ABAT: variants seen among roughly 807,000 people sequenced by gnomAD.
ABAT encodes the protein 4-aminobutyrate aminotransferase.
In ABAT, 45 loss-of-function variants were observed where a neutral mutation model predicts 64.6. The observed-to-expected ratio is 0.70, with a 90% CI of 0.55 to 0.89. The LOEUF is 0.89. Ranked by LOEUF, ABAT falls within the 40% of genes least tolerant of loss-of-function variation. The probability of loss-of-function intolerance (pLI) is 0.00; values close to 1 mark genes in which losing one functional copy is unlikely to be tolerated. For synonymous variants in ABAT, 297 were observed against 250.5 expected (o/e 1.19, Z -1.75); for missense variants, 633 against 658.4 (o/e 0.96, Z 0.42).
chr16:8,766,100 G>C (rs1342926520), intron 8 of ABAT, 108 bp from the exon 9 acceptor site: 1 of 1,046,430 alleles, frequency 9.6e-7, no homozygotes, highest in African/African-American at 1.6e-5. Flanking sequence ...ATCCACTCCT[G>C]AGAAAGCACT....
intron 12 of ABAT, among the ~76,000 whole-genome samples, chr16:8,774,670 T>C (rs112404527): frequency 9.2e-5 from 14 of 152,274 alleles, no homozygotes; most frequent in African/African-American, 3.4e-4. Flanking sequence ...TTAGCAGTTT[T>C]AGGAAACACT....
chr16:8,682,091 G>A (rs936774824), intron 1 of ABAT, among the ~76,000 whole-genome samples: 1 of 151,960 alleles, frequency 6.6e-6, no homozygotes, highest in African/African-American at 2.4e-5. Context: ...TGTCCCCTGG[G>A]GAACAAGATT....
intron 1 of ABAT, among the ~76,000 whole-genome samples, chr16:8,700,240 G>A (rs191830880): frequency 4.6e-5 from 7 of 152,268 alleles, no homozygotes; most frequent in African/African-American, 1.7e-4. Context: ...TTGGAGAAGA[G>A]CCATTAACTA....
intron 12 of ABAT, among the ~76,000 whole-genome samples, chr16:8,774,424 G>A (rs949417264): frequency 2.0e-5 from 3 of 151,990 alleles, no homozygotes; most frequent in Admixed American, 6.6e-5. Context: ...CAATCAAACC[G>A]ATAAGTTCAC....
intron 6 of ABAT, 83 bp from the exon 7 acceptor site, chr16:8,763,986 A>G: frequency 8.6e-7 from 1 of 1,160,006 alleles, no homozygotes; most frequent in Non-Finnish European, 1.3e-6. Context: ...ATTTGAACAC[A>G]GGGGCTATGA....
At position 8,681,641 on chromosome 16, in the gene ABAT, C is replaced by CT. The variant is rs35141742; in HGVS notation, c.-42+6948dup. 3.5e-3 allele frequency among the ~76,000 whole-genome samples: 442 copies of CT among 127,758 alleles called. 6 individuals are homozygous for CT. The highest frequency in any genetic ancestry group is 9.8e-3 in the South Asian group (38 of 3,878). 83.8% of individuals were successfully genotyped at this position (127,758 alleles called of 152,430 possible). On this transcript the variant is annotated intron_variant, in intron 1 of 15. Coordinates refer to ENST00000268251, the MANE Select transcript of ABAT (RefSeq NM_020686.6). The stretch of plus-strand genomic sequence containing the variant: ...TGGCCCCTAATCCAATGACTGCTAT[C>CT]TTTTTTTTTTTTTTTTTTGAGATGG...
At chr16:8,713,695 T>G in intron 1 of ABAT, 1 of 347,946 alleles carries the variant, frequency 2.9e-6, no homozygotes, top group Non-Finnish European at 5.8e-6. Flanking sequence ...CCCCATGTTT[T>G]GGGGACTGCC....
At chr16:8,703,951 G>C (rs916451193) in intron 1 of ABAT, among the ~76,000 whole-genome samples, 8 of 152,228 alleles carry the variant, frequency 5.3e-5, no homozygotes, top group Non-Finnish European at 1.2e-4. Context: ...GGCCATAGTT[G>C]TGGATCCTTA....
chr16:8,685,301 A>G (rs1180928795), intron 1 of ABAT, among the ~76,000 whole-genome samples: 1 of 151,970 alleles, frequency 6.6e-6, no homozygotes, highest in Non-Finnish European at 1.5e-5. Context: ...ATAATAATGA[A>G]CAAGTGAACA....
chr16:8,685,456 G>A (rs1433705063), intron 1 of ABAT, among the ~76,000 whole-genome samples: 2 of 151,976 alleles, frequency 1.3e-5, no homozygotes, highest in Non-Finnish European at 2.9e-5. Context: ...GATTGCCTGA[G>A]CTCAGGAGTT....
intron 5 of ABAT, chr16:8,757,086 T>C: frequency 2.3e-6 from 1 of 443,672 alleles, no homozygotes; most frequent in Non-Finnish European, 4.5e-6. Context: ...GTGAGGATCC[T>C]ATCTGCAATC....
intron 13 of ABAT, 47 bp downstream of exon 13, chr16:8,775,104 G>A (rs749064481): frequency 6.2e-7 from 1 of 1,610,144 alleles, no homozygotes; most frequent in African/African-American, 1.3e-5. Context: ...AGAGAAGGGA[G>A]CATCCTCTTC....
intron 1 of ABAT, among the ~76,000 whole-genome samples, chr16:8,700,970 G>A (rs189747971): frequency 6.8e-4 from 95 of 138,986 alleles, no homozygotes; most frequent in African/African-American, 2.5e-3. Flanking sequence ...GTGTCACTCT[G>A]TCTGTCACTC....
chr16:8,781,884 A>G lies in ABAT; in HGVS notation c.*454A>G, dbSNP rs1596475977. On this transcript the variant is annotated 3_prime_UTR_variant, in exon 16 of 16. Transcript: ENST00000268251. This position sits in a 1 kb window ranked among gnomAD's most constrained non-coding sequence, Gnocchi z 4.5. ...CCCCTCGCCCTATGCAAGCAAACACACTCTCACCTCCTCTCCCAGCCTCCC... is the reference window on the plus strand; with the variant it reads ...CCCCTCGCCCTATGCAAGCAAACACGCTCTCACCTCCTCTCCCAGCCTCCC... The G allele has an allele frequency of 6.7e-6, 2 of 299,530 alleles. No individual in the cohort carries two copies. The highest frequency in any genetic ancestry group is 3.2e-5 in the South Asian group (1 of 31,058). 18.6% of individuals were successfully genotyped at this position (299,530 alleles called of 1,614,324 possible).
At chr16:8,697,687 G>A (rs552424083) in intron 1 of ABAT, among the ~76,000 whole-genome samples, 141 of 152,016 alleles carry the variant, frequency 9.3e-4, no homozygotes, top group African/African-American at 3.2e-3. Context: ...CCAGGCTGGA[G>A]TACAGTGGTG....
intron 1 of ABAT, among the ~76,000 whole-genome samples, chr16:8,678,978 G>C (rs150465260): frequency 0.012 from 1,850 of 152,180 alleles, 46 homozygotes; most frequent in Non-Finnish European, 0.012. Flanking sequence ...ATATTCCTGG[G>C]GGAAGAAGAA....
intron 9 of ABAT, among the ~76,000 whole-genome samples, chr16:8,767,008 T>C (rs2059965057): frequency 6.6e-6 from 1 of 152,148 alleles, no homozygotes; most frequent in Admixed American, 6.6e-5. Context: ...AGAGGGTTTC[T>C]GGAATCTGTG....
chr16:8,692,611 C>A (rs963146324), intron 1 of ABAT, among the ~76,000 whole-genome samples: 2 of 152,176 alleles, frequency 1.3e-5, no homozygotes, highest in Admixed American at 1.3e-4. Context: ...TATTTTCTTC[C>A]TCCTGATGGG....
In ABAT at chr16:8,762,073, A is replaced by C. The variant is rs530529333; in HGVS notation, c.367-1996A>C. On this transcript the variant is annotated intron_variant, in intron 6 of 15. Coordinates refer to ENST00000268251, the MANE Select transcript of ABAT (RefSeq NM_020686.6). ...GAGTGGAGTGGCTGGATCATAGTTC[A>C]TTGCAGCCTCGAACTCCTGGACTCA... Among the ~76,000 whole-genome samples, 7 of 150,466 alleles carry C rather than the reference A, an allele frequency of 4.7e-5. No homozygotes were observed. The East Asian group carries it at 1.2e-3, about 25-fold the overall frequency.
Sources: allele counts gnomAD v4.1 joint callset (sites outside exome capture counted in the v4.1 genomes callset), GRCh38; gene constraint gnomAD v4.1.1; non-coding constraint Gnocchi (gnomAD v3.1); transcripts MANE v1.5; gene names NCBI Gene and HGNC (gene_info 2026-07-23, HGNC 2026-07-21).